The following SEC22C variants were observed in gnomAD, a reference collection of about 807,000 sequenced individuals.
SEC22C encodes the protein SEC22 homolog C, vesicle trafficking protein.
A neutral mutation model predicts 34.7 loss-of-function variants in SEC22C; 29 were observed. That is an observed-to-expected ratio of 0.84 (90% CI 0.62 to 1.14). The LOEUF is 1.14. SEC22C is among the 50% of genes most tolerant of loss of function. The probability of loss-of-function intolerance (pLI) is 0.00; values close to 1 mark genes in which losing one functional copy is unlikely to be tolerated. For synonymous variants in SEC22C, 117 were observed against 132.8 expected (o/e 0.88, Z 0.82); for missense variants, 337 against 369.0 (o/e 0.91, Z 0.71).
At position 42,548,359 on chromosome 3, in the gene SEC22C, A is replaced by C. The variant is rs1439509478; in HGVS notation, c.*4889T>G. The C allele has an allele frequency of 1.7e-5, 9 of 529,988 alleles. No homozygotes were observed. The highest frequency in any genetic ancestry group is 1.7e-4 in the African/African-American group (9 of 53,034). The allele number at this position is 529,988 out of a possible 1,614,324, so 32.8% of individuals were successfully genotyped here. ...CATATAAATGTAAGGGTTAAAGGTC[A>C]TATGTACTAAGCATGGGTCAGAGGA... On this transcript the variant is annotated 3_prime_UTR_variant, in exon 7 of 7. Transcript: ENST00000264454.
chr3:42,565,956 G>A, intron 2 of SEC22C: 1 of 448,994 alleles, frequency 2.2e-6, no homozygotes, highest in African/African-American at 2.0e-5. Flanking sequence ...CAAATGAGTA[G>A]AACATTTTTT....
chr3:42,600,820 G>A (rs1705315865), intron 1 of SEC22C: 4 of 410,848 alleles, frequency 9.7e-6, no homozygotes, highest in Non-Finnish European at 1.7e-5. Flanking sequence ...CGTGGGAGCC[G>A]CGAGGCCCGG....
At chr3:42,593,397 A>C (rs148215395) in intron 1 of SEC22C, among the ~76,000 whole-genome samples, 1 of 152,350 alleles carries the variant, frequency 6.6e-6, no homozygotes, top group African/African-American at 2.4e-5. Context: ...AGCCTGGGTG[A>C]CAGAGCAAGA....
chr3:42,593,918 T>C (rs914100473), intron 1 of SEC22C, among the ~76,000 whole-genome samples: 1 of 152,112 alleles, frequency 6.6e-6, no homozygotes, highest in Non-Finnish European at 1.5e-5. Context: ...GCCGGATATC[T>C]TCAAGTCACA....
chr3:42,549,618 T>G lies in SEC22C; in HGVS notation c.*3630A>C. ...CATGGGTGGGAGAGTTGAACCTCAA[T>G]GCAATCTGCTCCCACTCTGAAGCTC... On this transcript the variant is annotated 3_prime_UTR_variant, in exon 7 of 7. Coordinates refer to ENST00000264454, the MANE Select transcript of SEC22C (RefSeq NM_032970.4). 2.0e-6 allele frequency: 2 copies of G among 985,350 alleles called. No homozygotes were observed. The highest frequency in any genetic ancestry group is 2.4e-6 in the Non-Finnish European group (2 of 829,952). 61.0% of individuals were successfully genotyped at this position (985,350 alleles called of 1,614,324 possible).
At chr3:42,593,038 A>T (rs1036976504) in intron 1 of SEC22C, among the ~76,000 whole-genome samples, 2 of 152,230 alleles carry the variant, frequency 1.3e-5, no homozygotes, top group Non-Finnish European at 2.9e-5. Flanking sequence ...CAACAATAAA[A>T]AAAATACAGT....
intron 1 of SEC22C, among the ~76,000 whole-genome samples, chr3:42,571,329 G>C (rs902215735): frequency 7.1e-5 from 10 of 141,482 alleles, no homozygotes; most frequent in Middle Eastern, 7.2e-3. Flanking sequence ...TACCCCTCTT[G>C]TTTTTCAGTT....
At position 42,554,894 on chromosome 3, in the gene SEC22C, A is replaced by C. The variant is rs550464266; in HGVS notation, c.711+1036T>G. 4.6e-5 allele frequency among the ~76,000 whole-genome samples: 7 copies of C among 152,230 alleles called. No individual in the cohort carries two copies. In the South Asian group the frequency reaches 1.2e-3, roughly 27 times the overall value. Reference sequence around the variant, plus strand: ...GTACACAGCTTATATGAAAATAACTAATCAAAACCCTCTAGTTAATGTTCT... The same window carrying C: ...GTACACAGCTTATATGAAAATAACTCATCAAAACCCTCTAGTTAATGTTCT... On this transcript the variant is annotated intron_variant, in intron 6 of 6. Coordinates refer to ENST00000264454, the MANE Select transcript of SEC22C (RefSeq NM_032970.4).
chr3:42,566,338 C>G (rs973321064), intron 2 of SEC22C, among the ~76,000 whole-genome samples: 3 of 152,152 alleles, frequency 2.0e-5, no homozygotes, highest in African/African-American at 7.2e-5. Flanking sequence ...AATTCTGAGA[C>G]TGAATTCCCC....
At chr3:42,576,093 C>T (rs562163526) in intron 1 of SEC22C, among the ~76,000 whole-genome samples, 3 of 152,114 alleles carry the variant, frequency 2.0e-5, no homozygotes, top group Admixed American at 6.5e-5. Flanking sequence ...AAATTAAACA[C>T]ACACTTTAAA....
intron 1 of SEC22C, chr3:42,600,840 G>T (rs1194510127): frequency 4.5e-6 from 2 of 444,124 alleles, no homozygotes; most frequent in Non-Finnish European, 7.8e-6. Flanking sequence ...GGGCGGGAGG[G>T]GGCCTCGTCT....
rs1559504970 is a variant in SEC22C, at chr3:42,548,372, A to C, written c.*4876T>G. The C allele has an allele frequency of 3.5e-6, 2 of 564,206 alleles. No homozygotes were observed. Among genetic ancestry groups the C allele is most frequent in the Non-Finnish European group, 3.2e-6 (1 of 314,684 alleles). The allele number at this position is 564,206 out of a possible 1,614,324, so 34.9% of individuals were successfully genotyped here. A position where few individuals can be genotyped will look rare whatever the true frequency, so the allele number is the denominator to read the frequency against. On this transcript the variant is annotated 3_prime_UTR_variant, in exon 7 of 7. Coordinates refer to ENST00000264454, the MANE Select transcript of SEC22C (RefSeq NM_032970.4). ...GGGTTAAAGGTCATATGTACTAAGC[A>C]TGGGTCAGAGGAATAGAATGGATTT...
chr3:42,557,674 T>C lies in SEC22C; in HGVS notation c.549A>G (p.Pro183=), dbSNP rs1310725697. 6.2e-6 allele frequency: 10 copies of C among 1,606,504 alleles called. No individual in the cohort carries two copies. The highest frequency in any genetic ancestry group is 6.0e-6 in the Non-Finnish European group (7 of 1,174,076). ...LEPAPNFRME[P]VTALGILSLI... ...GGGAGAGGATACCCAGGGCTGTCAC[T>C]GGTTCCATTCGGAAATTAGGAGCTT... Residue 183 remains proline, a synonymous_variant, in exon 5 of 7, where the codon CCA becomes CCG. Coordinates refer to ENST00000264454, the MANE Select transcript of SEC22C (RefSeq NM_032970.4).
chr3:42,549,772 C>T lies in SEC22C; in HGVS notation c.*3476G>A. ...AGAAAGAGGCAGGAGAGTTGGAGAA[C>T]AAGAGCACCTAGAAAAGAACAGAGG... On this transcript the variant is annotated 3_prime_UTR_variant, in exon 7 of 7. Transcript: ENST00000264454. 1 of 985,490 alleles carries T rather than the reference C, an allele frequency of 1.0e-6. No homozygotes were observed. Among genetic ancestry groups the T allele is most frequent in the Non-Finnish European group, 1.2e-6 (1 of 829,982 alleles). The allele number at this position is 985,490 out of a possible 1,614,324, so 61.0% of individuals were successfully genotyped here.
intron 3 of SEC22C, among the ~76,000 whole-genome samples, chr3:42,561,889 T>A (rs934092389): frequency 6.6e-6 from 1 of 152,084 alleles, no homozygotes; most frequent in East Asian, 1.9e-4. Context: ...GGGGCATGCG[T>A]CTTAGCCCCT....
chr3:42,596,268 T>A (rs975315525), intron 1 of SEC22C, among the ~76,000 whole-genome samples: 2 of 152,192 alleles, frequency 1.3e-5, no homozygotes, highest in African/African-American at 2.4e-5. Flanking sequence ...GTGATCCACC[T>A]GCCTCAGCCT....
intron 1 of SEC22C, among the ~76,000 whole-genome samples, chr3:42,575,816 T>C (rs1025688636): frequency 1.3e-5 from 2 of 152,162 alleles, no homozygotes; most frequent in Non-Finnish European, 2.9e-5. Flanking sequence ...AACAGAAGAA[T>C]TCCTTTGAAG....
chr3:42,583,556 C>T (rs181659244), upstream of SEC22C, among the ~76,000 whole-genome samples: 447 of 152,172 alleles, frequency 2.9e-3, 4 homozygotes, highest in Middle Eastern at 6.8e-3. Context: ...TAGGATTTTG[C>T]GATGATTAGT....
chr3:42,597,304 C>A (rs753607348), intron 1 of SEC22C, among the ~76,000 whole-genome samples: 19 of 152,142 alleles, frequency 1.2e-4, no homozygotes, highest in Non-Finnish European at 2.4e-4. Context: ...GCCTGTAATC[C>A]CAGCACTTTG....
Sources: allele counts gnomAD v4.1 joint callset (sites outside exome capture counted in the v4.1 genomes callset), GRCh38; gene constraint gnomAD v4.1.1; transcripts MANE v1.5; gene names NCBI Gene and HGNC (gene_info 2026-07-23, HGNC 2026-07-21).